SNAP91: variants seen among roughly 807,000 people sequenced by gnomAD.
SNAP91 encodes clathrin coat assembly protein AP180.
In SNAP91, 27 loss-of-function variants were observed where a neutral mutation model predicts 100.3. The observed-to-expected ratio is 0.27, with a 90% CI of 0.20 to 0.37. The LOEUF (loss-of-function observed/expected upper bound fraction) is 0.37, where lower values mean the gene tolerates loss of function less well. Among genes scored for constraint, SNAP91 ranks in the 10% least tolerant of loss-of-function variants. SNAP91 has a pLI of 1.00. For synonymous variants in SNAP91, 404 were observed against 398.6 expected, an observed-to-expected ratio of 1.01 and a Z score of -0.16; for missense variants, 986 against 1,123.7, an observed-to-expected ratio of 0.88 and a Z score of 1.75.
At chr6:83,650,486 T>G (rs1255238929) in intron 7 of SNAP91, among the ~76,000 whole-genome samples, 2 of 152,182 alleles carry the variant, frequency 1.3e-5, no homozygotes, top group Admixed American at 6.5e-5. Flanking sequence ...TGGCACAATC[T>G]CAGCTCACTG....
intron 26 of SNAP91, among the ~76,000 whole-genome samples, chr6:83,564,837 T>C (rs1794339041): frequency 6.6e-6 from 1 of 151,966 alleles, no homozygotes; most frequent in Non-Finnish European, 1.5e-5. Flanking sequence ...TCAAGACCTA[T>C]GATTAAGGCA....
At chr6:83,598,761 T>C (rs1227377558) in intron 16 of SNAP91, among the ~76,000 whole-genome samples, 1 of 152,116 alleles carries the variant, frequency 6.6e-6, no homozygotes, top group Non-Finnish European at 1.5e-5. Context: ...TAGGTTTTTA[T>C]TAAAAATTAA....
rs993958945 is a variant in SNAP91 at position 83,594,416 on chromosome 6, G to A, written c.1390C>T (p.Pro464Ser). Residue 464 changes from proline (P) to serine (S), a missense_variant, in exon 17 of 30, where the codon CCA becomes TCA. Pro to Ser is a moderately conservative substitution (Grantham distance 74). Transcript: ENST00000369694. ...TCAAGTGCTGCTGCTACAGGGGTTGGGGTAGCTGGTGCGGCGGCCCCTTCG... is the reference window on the plus strand; with the variant it reads ...TCAAGTGCTGCTGCTACAGGGGTTGAGGTAGCTGGTGCGGCGGCCCCTTCG... ...ASEGAAAPAT[P>S]TPVAAALDAC... The A allele has an allele frequency of 2.2e-5, 34 of 1,553,310 alleles. No homozygotes were observed. In the African/African-American group the frequency reaches 4.2e-4, roughly 19 times the overall value.
At chr6:83,620,924 C>G (rs1482371541) in intron 9 of SNAP91, among the ~76,000 whole-genome samples, 1 of 151,810 alleles carries the variant, frequency 6.6e-6, no homozygotes, top group East Asian at 1.9e-4. Flanking sequence ...ACCGTGGTCT[C>G]GATCTCCTGA....
intron 2 of SNAP91, among the ~76,000 whole-genome samples, chr6:83,701,618 T>C (rs2099311756): frequency 6.6e-6 from 1 of 152,092 alleles, no homozygotes; most frequent in Non-Finnish European, 1.5e-5. Flanking sequence ...GGCTAACTTT[T>C]TTGTATTTTT....
At position 83,685,758 on chromosome 6, in the gene SNAP91, G is replaced by T. The variant is rs182240500; in HGVS notation, c.131-20177C>A. On this transcript the variant is annotated intron_variant, in intron 2 of 29. Coordinates refer to ENST00000369694, the MANE Select transcript of SNAP91 (RefSeq NM_001242792.2). ...CCTTTGTGCATTAAACAAAACTGAG[G>T]TTCTCAAAACAACTCTTTGAGCTGA... 5.3e-5 allele frequency among the ~76,000 whole-genome samples: 8 copies of T among 152,234 alleles called. 1 individual carries two copies. The highest frequency in any genetic ancestry group is 3.4e-3 in the Middle Eastern group (1 of 294).
intron 7 of SNAP91, 137 bp from the exon 8 acceptor site, chr6:83,641,339 T>C (rs973253231): frequency 4.1e-6 from 2 of 485,294 alleles, no homozygotes; most frequent in Admixed American, 4.2e-5. Context: ...ATATGAGGTA[T>C]TAAGGCACCT....
intron 28 of SNAP91, 150 bp from the exon 29 acceptor site, chr6:83,556,395 GAA>G (rs10583542): frequency 0.14 from 49,048 of 354,102 alleles, 18,083 homozygotes; most frequent in African/African-American, 0.24. Context: ...GAGAGAGAGA[GAA>G]AAGCATTAGG....
At chr6:83,614,086 TTA>T (rs1214454492) in intron 11 of SNAP91, among the ~76,000 whole-genome samples, 2 of 152,186 alleles carry the variant, frequency 1.3e-5, no homozygotes, top group African/African-American at 4.8e-5. Flanking sequence ...TTGTTAAGTT[TTA>T]TATGAGTCAT....
chr6:83,575,769 A>C, intron 25 of SNAP91: 1 of 411,950 alleles, frequency 2.4e-6, no homozygotes, highest in Middle Eastern at 6.3e-4. Context: ...ACAATTCCCA[A>C]ATATTTCTAG....
chr6:83,655,405 G>C (rs545494355), intron 7 of SNAP91, among the ~76,000 whole-genome samples: 2 of 152,262 alleles, frequency 1.3e-5, no homozygotes, highest in South Asian at 4.1e-4. Flanking sequence ...GTGGGGCTCT[G>C]TTTCAGCAGA....
chr6:83,600,661 C>T (rs916659579), intron 16 of SNAP91, among the ~76,000 whole-genome samples: 4 of 152,186 alleles, frequency 2.6e-5, no homozygotes, highest in Non-Finnish European at 5.9e-5. Context: ...TGACTTAAAT[C>T]TGTTTTCAAT....
intron 26 of SNAP91, 149 bp from the exon 27 acceptor site, chr6:83,561,096 A>T (rs1786776667): frequency 3.4e-6 from 2 of 587,956 alleles, no homozygotes; most frequent in African/African-American, 3.9e-5. Flanking sequence ...AGGCTGGAGT[A>T]CGATGGCATG....
intron 7 of SNAP91, among the ~76,000 whole-genome samples, chr6:83,651,700 G>A: frequency 6.6e-6 from 1 of 152,124 alleles, no homozygotes; most frequent in East Asian, 1.9e-4. Flanking sequence ...AGCTTGAGAA[G>A]AATGTGCATT....
intron 9 of SNAP91, among the ~76,000 whole-genome samples, chr6:83,622,066 C>T (rs1015160729): frequency 1.3e-5 from 2 of 152,032 alleles, no homozygotes; most frequent in Non-Finnish European, 2.9e-5. Context: ...TTTATGCACA[C>T]TTAATTTTTT....
intron 9 of SNAP91, among the ~76,000 whole-genome samples, chr6:83,618,121 T>C (rs566761332): frequency 6.6e-6 from 1 of 151,874 alleles, no homozygotes; most frequent in South Asian, 2.1e-4. Flanking sequence ...ATTTTGAAAA[T>C]TCAGGACATT....
At chr6:83,649,397 T>A (rs2098099907) in intron 7 of SNAP91, among the ~76,000 whole-genome samples, 1 of 152,214 alleles carries the variant, frequency 6.6e-6, no homozygotes, top group Non-Finnish European at 1.5e-5. Flanking sequence ...CTCACAACTT[T>A]ACTGCTGGCT....
intron 26 of SNAP91, among the ~76,000 whole-genome samples, chr6:83,562,300 A>G (rs1789151892): frequency 6.6e-6 from 1 of 152,230 alleles, no homozygotes; most frequent in East Asian, 1.9e-4. Context: ...ATACTAGCAT[A>G]CTGGATCCAG....
At chr6:83,626,956 C>A (rs1352737260) in intron 8 of SNAP91, among the ~76,000 whole-genome samples, 2 of 151,910 alleles carry the variant, frequency 1.3e-5, no homozygotes, top group Admixed American at 6.6e-5. Context: ...AATGCTTCCA[C>A]CTTTTGCTCA....
Sources: gnomAD v4.1 joint callset for allele counts (sites outside exome capture counted in the v4.1 genomes callset) on GRCh38, gnomAD v4.1.1 for gene constraint, MANE v1.5 for transcripts, NCBI Gene and HGNC (gene_info 2026-07-23, HGNC 2026-07-21) for gene names.